CUBN: variants seen among roughly 807,000 people sequenced by gnomAD.
CUBN encodes the protein cubilin, also known as 460 kDa receptor.
In CUBN, 282 loss-of-function variants were observed where a neutral mutation model predicts 405.3. The observed-to-expected ratio is 0.70, with a 90% CI of 0.63 to 0.77. CUBN has a LOEUF of 0.77. Ranked by LOEUF, CUBN falls within the 30% of genes least tolerant of loss-of-function variation. The pLI, the probability that CUBN is intolerant of heterozygous loss-of-function variation, is 0.00. For missense variants in CUBN, 4,514 were observed against 4,475.2 expected, an observed-to-expected ratio of 1.01 and a Z score of -0.25; for synonymous variants, 1,684 against 1,617.0, an observed-to-expected ratio of 1.04 and a Z score of -0.99.
intron 60 of CUBN, among the ~76,000 whole-genome samples, chr10:16,843,320 T>C (rs1449018859): frequency 6.6e-6 from 1 of 152,198 alleles, no homozygotes; most frequent in Non-Finnish European, 1.5e-5. Context: ...ACTCCAAATA[T>C]TCAATTCATA....
chr10:16,931,084 A>C (rs551656875), intron 40 of CUBN, among the ~76,000 whole-genome samples: 9 of 148,134 alleles, frequency 6.1e-5, no homozygotes, highest in East Asian at 2.0e-4. Flanking sequence ...GTGAAACCCC[A>C]CCTCTACTAA....
At chr10:17,051,013 C>T in intron 22 of CUBN, among the ~76,000 whole-genome samples, 1 of 151,762 alleles carries the variant, frequency 6.6e-6, no homozygotes, top group Non-Finnish European at 1.5e-5. Context: ...TATCATGTCC[C>T]AATCTATCAT....
intron 60 of CUBN, among the ~76,000 whole-genome samples, chr10:16,848,226 G>A (rs1839577633): frequency 6.6e-6 from 1 of 152,132 alleles, no homozygotes; most frequent in African/African-American, 2.4e-5. Flanking sequence ...CCATAAAAAT[G>A]GATCTTGAGA....
chr10:16,825,116 T>A, intron 66 of CUBN, 34 bp from the exon 67 acceptor site: 1 of 1,460,196 alleles, frequency 6.8e-7, no homozygotes, highest in African/African-American at 1.4e-5. Flanking sequence ...CAATTATATA[T>A]TTCACATATT....
chr10:16,962,911 G>C (rs1055751162), intron 31 of CUBN, among the ~76,000 whole-genome samples: 1 of 152,108 alleles, frequency 6.6e-6, no homozygotes, highest in African/African-American at 2.4e-5. Flanking sequence ...GTAAGTCTGC[G>C]GGTGTGGAAT....
chr10:17,023,635 A>G (rs1480726302), intron 27 of CUBN: 1 of 455,942 alleles, frequency 2.2e-6, no homozygotes, highest in Admixed American at 2.3e-5. Flanking sequence ...GCTGTGACTC[A>G]TTGCAACTAC....
intron 17 of CUBN, among the ~76,000 whole-genome samples, chr10:17,083,116 T>G (rs1836008747): frequency 6.6e-6 from 1 of 152,174 alleles, no homozygotes; most frequent in African/African-American, 2.4e-5. Flanking sequence ...TCTTCCGTAG[T>G]GTAAAACTTT....
intron 31 of CUBN, among the ~76,000 whole-genome samples, chr10:16,961,852 C>CAGT (rs1391545970): frequency 2.0e-5 from 3 of 151,632 alleles, no homozygotes; most frequent in Non-Finnish European, 4.4e-5. Context: ...GCTGGGACTA[C>CAGT]AGGCGCCCGC....
In CUBN at chr10:16,962,300, T is replaced by C. The variant is rs187921476; in HGVS notation, c.4696-7752A>G. ...AAAGTGAGACAAAGTGGGAGCTAAA[T>C]TGCTGTGTAAGAAATGAAGTAGGGA... is the stretch of plus-strand genomic sequence containing the variant. On this transcript the variant is annotated intron_variant, in intron 31 of 66. Coordinates refer to ENST00000377833, the MANE Select transcript of CUBN (RefSeq NM_001081.4). 2.1e-3 allele frequency among the ~76,000 whole-genome samples: 325 copies of C among 152,192 alleles called. 14 individuals are homozygous for C. The highest frequency in any genetic ancestry group is 0.021 in the Admixed American group (320 of 15,296).
intron 48 of CUBN, among the ~76,000 whole-genome samples, chr10:16,909,676 T>C (rs1232056714): frequency 2.0e-5 from 3 of 152,228 alleles, no homozygotes; most frequent in South Asian, 2.1e-4. Context: ...GAACATGTTA[T>C]AGTCATCCAT....
rs143664363 is a variant in CUBN, at chr10:17,044,438, T to C, written c.3673-455A>G. Among the ~76,000 whole-genome samples, 920 of 152,086 alleles carry C rather than the reference T, an allele frequency of 6.0e-3. 9 individuals are homozygous for C. Among genetic ancestry groups the C allele is most frequent in the African/African-American group, 0.021 (876 of 41,540 alleles). ...CTCAGGCAATTAAGCTGTGGACATGTGCAGCAGTAATAAGCGTGTGAGCTT... is the reference window on the plus strand; with the variant it reads ...CTCAGGCAATTAAGCTGTGGACATGCGCAGCAGTAATAAGCGTGTGAGCTT... On this transcript the variant is annotated intron_variant, in intron 25 of 66. Coordinates refer to ENST00000377833, the MANE Select transcript of CUBN (RefSeq NM_001081.4).
At chr10:17,057,484 C>A (rs994090734) in intron 22 of CUBN, among the ~76,000 whole-genome samples, 1 of 152,020 alleles carries the variant, frequency 6.6e-6, no homozygotes, top group Non-Finnish European at 1.5e-5. Flanking sequence ...TCAGAATTGT[C>A]AATCATATAG....
intron 40 of CUBN, among the ~76,000 whole-genome samples, chr10:16,929,475 G>A (rs568923907): frequency 6.6e-6 from 1 of 152,226 alleles, no homozygotes; most frequent in South Asian, 2.1e-4. Flanking sequence ...GAGTAAATAT[G>A]CCCTTTTATA....
chr10:16,966,244 T>G (rs1588529312), intron 31 of CUBN, among the ~76,000 whole-genome samples: 2 of 152,190 alleles, frequency 1.3e-5, no homozygotes, highest in East Asian at 3.9e-4. Context: ...GTGCATGGGA[T>G]TCCCAGCATG....
intron 31 of CUBN, among the ~76,000 whole-genome samples, chr10:16,962,916 T>C (rs1843276098): frequency 6.6e-6 from 1 of 152,086 alleles, no homozygotes; most frequent in Non-Finnish European, 1.5e-5. Context: ...TCTGCGGGTG[T>C]GGAATGAAGA....
At chr10:16,883,011 G>GAAGAA (rs150252725) in intron 56 of CUBN, among the ~76,000 whole-genome samples, 1,642 of 149,616 alleles carry the variant, frequency 0.011, 38 homozygotes, top group African/African-American at 0.038. Context: ...AAGACTCTGT[G>GAAGAA]AAGAAAAGAA....
At position 16,890,416 on chromosome 10, in the gene CUBN, A is replaced by T. The variant is rs764053357; in HGVS notation, c.8710T>A (p.Ser2904Thr). The T allele has an allele frequency of 1.9e-6, 3 of 1,613,870 alleles. No homozygotes were observed. Among genetic ancestry groups the T allele is most frequent in the East Asian group, 4.5e-5 (2 of 44,870 alleles). The change falls in exon 55 of 67, where the codon TCT (serine) becomes ACT (threonine). Residue 2904 changes from serine to threonine, a missense_variant. Around this residue, in one of 5 missense-constraint regions of CUBN, gnomAD observed 1,186 missense variants for 1,186.9 expected, o/e 1.00. Transcript: ENST00000377833. The part of the protein sequence containing the change: ...PSNTFTAVFQ[S>T]QEAPAQGFSA... ...AAGCCCTGAGCTGGTGCCTCCTGAG[A>T]CTGGAAGACGGCAGTGAATGTGTTA...
At chr10:16,937,817 T>A (rs1842559079) in intron 38 of CUBN, 33 bp from the exon 39 acceptor site, 34 of 1,583,294 alleles carry the variant, frequency 2.1e-5, no homozygotes, top group Non-Finnish European at 2.8e-5. Flanking sequence ...GAGCATTGTA[T>A]TATCTATATT....
chr10:17,084,845 A>G (rs532678405), intron 16 of CUBN, among the ~76,000 whole-genome samples: 2 of 152,380 alleles, frequency 1.3e-5, no homozygotes, highest in Non-Finnish European at 2.9e-5. Flanking sequence ...TGAATACAGA[A>G]TAGCAAGATG....
Sources: allele counts gnomAD v4.1 joint callset (sites outside exome capture counted in the v4.1 genomes callset), GRCh38; gene constraint gnomAD v4.1.1; regional missense constraint gnomAD v4.1.1; transcripts MANE v1.5; gene names NCBI Gene and HGNC (gene_info 2026-07-23, HGNC 2026-07-21).